CAMTA1: variants seen among roughly 807,000 people sequenced by gnomAD.
The protein encoded by CAMTA1 is calmodulin binding transcription activator 1.
In CAMTA1, 27 loss-of-function variants were observed where a neutral mutation model predicts 170.9. The ratio of observed to expected loss-of-function variants is 0.16; its 90% confidence interval spans 0.12 to 0.22. The LOEUF (loss-of-function observed/expected upper bound fraction) is 0.22, where lower values mean the gene tolerates loss of function less well. Ranked by LOEUF, CAMTA1 falls within the 10% of genes least tolerant of loss-of-function variation. The pLI is 1.00. For synonymous variants in CAMTA1, 833 were observed against 891.5 expected, an observed-to-expected ratio of 0.93 and a Z score of 1.17; for missense variants, 1,619 against 2,217.2, an observed-to-expected ratio of 0.73 and a Z score of 5.42.
At chr1:7,646,399 T>C (rs548324958) in intron 7 of CAMTA1, among the ~76,000 whole-genome samples, 1 of 141,752 alleles carries the variant, frequency 7.1e-6, no homozygotes, top group Non-Finnish European at 1.5e-5. Flanking sequence ...TTGGAGGCCC[T>C]GGTGAGTTGG....
At chr1:7,312,448 G>C (rs1676877360) in intron 5 of CAMTA1, among the ~76,000 whole-genome samples, 1 of 152,136 alleles carries the variant, frequency 6.6e-6, no homozygotes, top group Admixed American at 6.5e-5. Context: ...CTGGAGTCCA[G>C]ACTCAGGGAT....
At chr1:7,516,883 T>C (rs2094294029) in intron 6 of CAMTA1, among the ~76,000 whole-genome samples, 1 of 152,224 alleles carries the variant, frequency 6.6e-6, no homozygotes, top group African/African-American at 2.4e-5. Flanking sequence ...AAAATGGGCA[T>C]AGCTCTATTG....
intron 5 of CAMTA1, among the ~76,000 whole-genome samples, chr1:7,393,229 T>G (rs914599171): frequency 9.9e-5 from 15 of 152,094 alleles, no homozygotes; most frequent in Non-Finnish European, 1.9e-4. Context: ...TTTACTTTAG[T>G]GGGGTGTCCA....
intron 5 of CAMTA1, among the ~76,000 whole-genome samples, chr1:7,459,146 G>A (rs2093026350): frequency 6.6e-6 from 1 of 152,206 alleles, no homozygotes; most frequent in Admixed American, 6.5e-5. Flanking sequence ...GTGGCCTGCT[G>A]GGGAGGAAGG....
chr1:7,323,552 T>C (rs1240518241), intron 5 of CAMTA1, among the ~76,000 whole-genome samples: 1 of 135,402 alleles, frequency 7.4e-6, no homozygotes, highest in African/African-American at 2.7e-5. Context: ...AGATGAAGTC[T>C]CACTCTACTA....
intron 6 of CAMTA1, among the ~76,000 whole-genome samples, chr1:7,612,626 G>A (rs970355157): frequency 6.6e-5 from 10 of 152,172 alleles, no homozygotes; most frequent in Non-Finnish European, 1.0e-4. Flanking sequence ...CCTCCTGTCC[G>A]TATCACCACT....
intron 6 of CAMTA1, among the ~76,000 whole-genome samples, chr1:7,563,207 A>G (rs956268676): frequency 6.6e-6 from 1 of 152,082 alleles, no homozygotes; most frequent in Non-Finnish European, 1.5e-5. Context: ...TTCCTCACAC[A>G]TGGGGGCAAG....
chr1:7,088,124 CCATCTT>C (rs1640987783), intron 3 of CAMTA1, among the ~76,000 whole-genome samples: 1 of 152,176 alleles, frequency 6.6e-6, no homozygotes. Flanking sequence ...GCGGGTGAGT[CCATCTT>C]TGGGGCCCAG....
chr1:7,689,492 T>C (rs1219281768), intron 11 of CAMTA1, among the ~76,000 whole-genome samples: 1 of 151,738 alleles, frequency 6.6e-6, no homozygotes, highest in East Asian at 1.9e-4. Flanking sequence ...GGCAGGAGGA[T>C]CGCTTGAGCC....
chr1:7,600,320 T>A (rs1214235696), intron 6 of CAMTA1, among the ~76,000 whole-genome samples: 1 of 151,928 alleles, frequency 6.6e-6, no homozygotes, highest in Non-Finnish European at 1.5e-5. Context: ...AAGCTTTTGA[T>A]GTGCTGCTGG....
intron 5 of CAMTA1, among the ~76,000 whole-genome samples, chr1:7,379,377 A>G (rs1312832559): frequency 6.6e-6 from 1 of 152,214 alleles, no homozygotes; most frequent in African/African-American, 2.4e-5. Flanking sequence ...CTTAATTGAA[A>G]TTCACCTTTA....
intron 4 of CAMTA1, among the ~76,000 whole-genome samples, chr1:7,133,140 T>C (rs1645358736): frequency 6.6e-6 from 1 of 152,184 alleles, no homozygotes; most frequent in African/African-American, 2.4e-5. Flanking sequence ...TCCTATATTC[T>C]GGAAAGGTTT....
intron 3 of CAMTA1, among the ~76,000 whole-genome samples, chr1:6,877,533 T>A (rs1370414855): frequency 6.6e-6 from 1 of 152,112 alleles, no homozygotes; most frequent in Non-Finnish European, 1.5e-5. Context: ...CGTCTCCCAT[T>A]TGTTCTCATT....
At chr1:7,203,875 A>G (rs1338481223) in intron 4 of CAMTA1, among the ~76,000 whole-genome samples, 2 of 146,544 alleles carry the variant, frequency 1.4e-5, no homozygotes, top group Non-Finnish European at 3.0e-5. Flanking sequence ...TCTGTCGCCC[A>G]GGCTGGAGTG....
intron 5 of CAMTA1, among the ~76,000 whole-genome samples, chr1:7,391,259 A>G (rs1235218760): frequency 1.3e-5 from 2 of 151,712 alleles, no homozygotes; most frequent in Non-Finnish European, 2.9e-5. Context: ...GGCCTCCCAA[A>G]GTGCTGGGAT....
At chr1:7,187,702 A>C (rs1425923673) in intron 4 of CAMTA1, among the ~76,000 whole-genome samples, 1 of 152,216 alleles carries the variant, frequency 6.6e-6, no homozygotes, top group Non-Finnish European at 1.5e-5. Flanking sequence ...ACTTCCTGGC[A>C]CCAACCTTCA....
At position 7,534,687 on chromosome 1, in the gene CAMTA1, G is replaced by A. The variant is rs574312854; in HGVS notation, c.510+66786G>A. Among the ~76,000 whole-genome samples the A allele has an allele frequency of 2.6e-5, 4 of 152,274 alleles. No individual in the cohort carries two copies. The South Asian group carries it at 8.3e-4, about 32-fold the overall frequency. On this transcript the variant is annotated intron_variant, in intron 6 of 22. Coordinates refer to ENST00000303635, the MANE Select transcript of CAMTA1 (RefSeq NM_015215.4). This position sits in a 1 kb window ranked among gnomAD's most constrained non-coding sequence, Gnocchi z 5.6. Reference sequence around the variant, plus strand: ...GACGTTCGGGCCGAGGGGAGCTGAGGCCACGGCGGGGACTCCTCACTCCTC... The same window carrying A: ...GACGTTCGGGCCGAGGGGAGCTGAGACCACGGCGGGGACTCCTCACTCCTC...
chr1:7,440,572 C>T lies in CAMTA1; in HGVS notation c.439-27258C>T, dbSNP rs117696493. 2.2e-4 allele frequency among the ~76,000 whole-genome samples: 33 copies of T among 152,320 alleles called. No homozygotes were observed. In the East Asian group the frequency reaches 3.5e-3, roughly 16 times the overall value. On this transcript the variant is annotated intron_variant, in intron 5 of 22. Transcript: ENST00000303635. ...AGCAGCTATCACAAACAGCATGAGACGCACTCCTTTTATTTTTTTTTTACC... is the reference window on the plus strand; with the variant it reads ...AGCAGCTATCACAAACAGCATGAGATGCACTCCTTTTATTTTTTTTTTACC...
intron 3 of CAMTA1, among the ~76,000 whole-genome samples, chr1:6,828,509 C>T (rs1401081519): frequency 6.6e-6 from 1 of 151,976 alleles, no homozygotes; most frequent in Non-Finnish European, 1.5e-5. Context: ...CCAGGATGGT[C>T]TCCATCTCTT....
Sources: allele counts gnomAD v4.1 joint callset (sites outside exome capture counted in the v4.1 genomes callset), GRCh38; gene constraint gnomAD v4.1.1; non-coding constraint Gnocchi (gnomAD v3.1); transcripts MANE v1.5; gene names NCBI Gene and HGNC (gene_info 2026-07-23, HGNC 2026-07-21).